The following SLC39A12 variants were observed in gnomAD, a reference collection of about 807,000 sequenced individuals.
The protein encoded by SLC39A12 is solute carrier family 39 member 12.
A neutral mutation model predicts 71.1 loss-of-function variants in SLC39A12; 63 were observed. The ratio of observed to expected loss-of-function variants is 0.89; its 90% CI spans 0.72 to 1.09. The LOEUF (loss-of-function observed/expected upper bound fraction) is 1.09, where lower values mean the gene tolerates loss of function less well. Ranked by LOEUF, SLC39A12 falls within the 50% of genes least tolerant of loss-of-function variation. The pLI, the probability that SLC39A12 is intolerant of heterozygous loss-of-function variation, is 0.00. For synonymous variants in SLC39A12, 351 were observed against 301.3 expected (o/e 1.16, Z -1.71); for missense variants, 892 against 812.6 (o/e 1.10, Z -1.19).
chr10:18,041,923 A>G (rs557491244), intron 12 of SLC39A12, among the ~76,000 whole-genome samples: 27 of 150,208 alleles, frequency 1.8e-4, no homozygotes, highest in African/African-American at 6.6e-4. Context: ...ACATATATAT[A>G]TGTAGCCACA....
At chr10:17,995,016 C>T (rs772289291) in intron 9 of SLC39A12, among the ~76,000 whole-genome samples, 16 of 152,248 alleles carry the variant, frequency 1.1e-4, no homozygotes, top group Non-Finnish European at 2.1e-4. Flanking sequence ...AATAAAATCA[C>T]GTAATCTTAC....
chr10:17,952,723 G>A (rs1834435267), intron 1 of SLC39A12, among the ~76,000 whole-genome samples: 1 of 152,018 alleles, frequency 6.6e-6, no homozygotes, highest in Admixed American at 6.6e-5. Context: ...TCCTGACCTC[G>A]TGATCTGCCT....
intron 12 of SLC39A12, among the ~76,000 whole-genome samples, chr10:18,034,725 G>T (rs1836948921): frequency 1.3e-5 from 2 of 151,604 alleles, no homozygotes; most frequent in South Asian, 4.2e-4. Flanking sequence ...GTCAGTTGAT[G>T]CAGTTTCTTC....
intron 12 of SLC39A12, among the ~76,000 whole-genome samples, chr10:18,036,639 G>A (rs555020640): frequency 4.0e-5 from 6 of 151,292 alleles, no homozygotes; most frequent in South Asian, 4.2e-4. Flanking sequence ...GCTGTAGACC[G>A]GAGCTGTTCC....
chr10:17,986,084 G>C (rs773336303), intron 6 of SLC39A12, among the ~76,000 whole-genome samples: 1 of 152,124 alleles, frequency 6.6e-6, no homozygotes, highest in African/African-American at 2.4e-5. Context: ...CACAAACATA[G>C]GTCTACAATA....
chr10:18,018,225 T>A (rs1589250831), intron 12 of SLC39A12, among the ~76,000 whole-genome samples: 2 of 152,236 alleles, frequency 1.3e-5, no homozygotes, highest in South Asian at 4.1e-4. Context: ...TTTTGAATAT[T>A]AACCATGTAT....
chr10:17,987,141 G>A (rs999235939), intron 6 of SLC39A12, among the ~76,000 whole-genome samples: 3 of 151,982 alleles, frequency 2.0e-5, no homozygotes, highest in Admixed American at 2.0e-4. Flanking sequence ...CCAGCCTGGG[G>A]AACATGACGA....
rs377384974 is a variant in SLC39A12 at position 17,953,385 on chromosome 10, C to A, written c.109C>A (p.Arg37Ser). Residue 37 changes from arginine (R) to serine (S), a missense_variant, in exon 2 of 13, where the codon CGT becomes AGT. By Grantham distance (110) the Arg-to-Ser change is moderately radical. Coordinates refer to ENST00000377369, the MANE Select transcript of SLC39A12 (RefSeq NM_001145195.2). ...ACCCTCAGCCCAGGATAGCAGAAGCCGTGGGAGTTCAGGCCAACCGGCAGA... is the reference window on the plus strand; with the variant it reads ...ACCCTCAGCCCAGGATAGCAGAAGCAGTGGGAGTTCAGGCCAACCGGCAGA... ...DKPSAQDSRS[R>S]GSSGQPADLL... 5 of 1,614,112 alleles carry A rather than the reference C, an allele frequency of 3.1e-6. No individual in the cohort carries two copies. The South Asian group carries it at 5.5e-5, about 18-fold the overall frequency.
In SLC39A12 at chr10:17,953,495, G is replaced by A. The variant is rs976194785; in HGVS notation, c.219G>A (p.Gly73=). The A allele has an allele frequency of 1.2e-6, 2 of 1,614,186 alleles. No homozygotes were observed. Among genetic ancestry groups the A allele is most frequent in the Admixed American group, 3.3e-5 (2 of 60,018 alleles). Residue 73 remains glycine, a synonymous_variant, in exon 2 of 13, where the codon GGG becomes GGA. Transcript: ENST00000377369. The part of the protein sequence containing the change: ...SLIKTLLEKT[G]CPRRRNGMQG... ...TCAAAACATTGTTGGAGAAAACTGG[G>A]TGCCCACGGAGGAGAAACGGAATGC...
At chr10:18,015,242 G>C (rs540264311) in intron 12 of SLC39A12, among the ~76,000 whole-genome samples, 1 of 151,918 alleles carries the variant, frequency 6.6e-6, no homozygotes, top group Non-Finnish European at 1.5e-5. Flanking sequence ...CTATATATCT[G>C]TTTAATGGAA....
chr10:18,002,557 G>C (rs1835867524), intron 11 of SLC39A12: 1 of 152,078 alleles, frequency 6.6e-6, no homozygotes, highest in Admixed American at 6.6e-5. Context: ...GCTGTCTATT[G>C]AATTTTAGTC....
At chr10:17,983,123 A>T (rs1305234677) in intron 6 of SLC39A12, among the ~76,000 whole-genome samples, 2 of 136,308 alleles carry the variant, frequency 1.5e-5, no homozygotes, top group Admixed American at 1.6e-4. Context: ...AGCCGAGGTC[A>T]GCACCACTGC....
chr10:17,997,501 C>G (rs553777917), intron 10 of SLC39A12, among the ~76,000 whole-genome samples: 46 of 151,796 alleles, frequency 3.0e-4, no homozygotes, highest in Middle Eastern at 3.4e-3. Context: ...ACTTTTTTTT[C>G]TCTTTGGTTG....
In SLC39A12 at chr10:17,981,454, A is replaced by T. The variant is rs756215469; in HGVS notation, c.1067A>T (p.Gln356Leu). Residue 356 changes from glutamine to leucine, a missense_variant, in exon 6 of 13, where the codon CAA (glutamine) becomes CTA (leucine). By Grantham distance (113) the Gln-to-Leu change is moderately radical (BLOSUM62 -2). Transcript: ENST00000377369. The stretch of plus-strand genomic sequence containing the variant: ...TCCTGCCACTTACCCAAGGACCAAC[A>T]AGCAAAGCTGCCACCTACCACTCTG... ...SCSCHLPKDQQAKLPPTTLEK... is the reference protein window; with the variant it reads ...SCSCHLPKDQLAKLPPTTLEK... 8.1e-6 allele frequency: 13 copies of T among 1,613,324 alleles called. No individual in the cohort carries two copies. In the Admixed American group the frequency reaches 2.0e-4, roughly 25 times the overall value.
At chr10:18,024,361 G>A (rs917142236) in intron 12 of SLC39A12, among the ~76,000 whole-genome samples, 1 of 152,158 alleles carries the variant, frequency 6.6e-6, no homozygotes, top group African/African-American at 2.4e-5. Flanking sequence ...TGGAGGAACT[G>A]AGGGGAGGCC....
At chr10:18,037,799 G>A (rs746346792) in intron 12 of SLC39A12, among the ~76,000 whole-genome samples, 5 of 151,256 alleles carry the variant, frequency 3.3e-5, no homozygotes, top group Admixed American at 6.6e-5. Context: ...CAAGGTGGGC[G>A]GATCACCGTC....
chr10:18,005,131 A>G (rs1461116401), intron 12 of SLC39A12, among the ~76,000 whole-genome samples: 2 of 152,194 alleles, frequency 1.3e-5, no homozygotes, highest in African/African-American at 4.8e-5. Context: ...GCTAGGATTG[A>G]TACCTAGGTG....
At position 17,990,326 on chromosome 10, in the gene SLC39A12, G is replaced by C. The variant is rs1339414762; in HGVS notation, c.1270-825G>C. On this transcript the variant is annotated intron_variant, in intron 7 of 12. Transcript: ENST00000377369. ...CTCACATATACACACGTACATATAT[G>C]TATGTACACATAAATGCCTGTACAC... Among the ~76,000 whole-genome samples the C allele has an allele frequency of 3.9e-5, 6 of 152,160 alleles. No homozygotes were observed. The East Asian group carries it at 1.2e-3, about 29-fold the overall frequency.
intron 7 of SLC39A12, among the ~76,000 whole-genome samples, chr10:17,988,099 G>C (rs1438983308): frequency 6.6e-6 from 1 of 152,190 alleles, no homozygotes; most frequent in East Asian, 1.9e-4. Flanking sequence ...CTTGAGATCA[G>C]GAGTTCGAGA....
Sources: allele counts gnomAD v4.1 joint callset (sites outside exome capture counted in the v4.1 genomes callset), GRCh38; gene constraint gnomAD v4.1.1; transcripts MANE v1.5; gene names NCBI Gene and HGNC (gene_info 2026-07-23, HGNC 2026-07-21).